Variants in MYO5B observed in about 807,000 individuals in gnomAD.
The protein encoded by MYO5B is unconventional myosin-Vb.
Under a neutral mutation model 229.3 loss-of-function variants are expected in MYO5B, and 143 were observed. That is an observed-to-expected ratio of 0.62 (90% CI 0.54 to 0.72). MYO5B has a LOEUF of 0.72. Among genes scored for constraint, MYO5B ranks in the 30% least tolerant of loss-of-function variants. The pLI, the probability that MYO5B is intolerant of heterozygous loss-of-function variation, is 0.00. For missense variants in MYO5B, 2,321 were observed against 2,331.0 expected, an observed-to-expected ratio of 1.00 and a Z score of 0.09; for synonymous variants, 918 against 885.2, an observed-to-expected ratio of 1.04 and a Z score of -0.66.
chr18:49,910,374 G>T (rs1486949384), intron 18 of MYO5B, among the ~76,000 whole-genome samples: 1 of 152,198 alleles, frequency 6.6e-6, no homozygotes, highest in African/African-American at 2.4e-5. Flanking sequence ...AAATGAGAAG[G>T]CAGCCACATG....
intron 26 of MYO5B, among the ~76,000 whole-genome samples, chr18:49,873,653 C>T (rs563320702): frequency 6.6e-6 from 1 of 152,150 alleles, no homozygotes; most frequent in Non-Finnish European, 1.5e-5. Flanking sequence ...GCCATGTGTC[C>T]GTGGATGATA....
intron 16 of MYO5B, 74 bp from the exon 17 acceptor site, chr18:49,929,672 A>C (rs1421811207): frequency 1.5e-6 from 2 of 1,309,760 alleles, no homozygotes. Context: ...AGAAACAAAA[A>C]AGAATCTTTT....
chr18:49,842,832 G>C (rs1015391348), intron 34 of MYO5B, among the ~76,000 whole-genome samples: 6 of 152,180 alleles, frequency 3.9e-5, no homozygotes, highest in African/African-American at 1.4e-4. Context: ...GCAAGCACCC[G>C]GCCCCTTGGA....
intron 1 of MYO5B, among the ~76,000 whole-genome samples, chr18:50,060,513 T>C (rs2030661515): frequency 6.6e-6 from 1 of 152,214 alleles, no homozygotes; most frequent in Non-Finnish European, 1.5e-5. Flanking sequence ...TTAACAACAC[T>C]TAATTCCTTC....
chr18:49,894,988 T>C lies in MYO5B; in HGVS notation c.2998A>G (p.Lys1000Glu), dbSNP rs745645137. ...CTGCTGTGGGCGTCCTCCAAGATCT[T>C]GCGCTCCGAGTGGGCCCTCTGCAGC... ...TELQRAHSER[K>E]ILEDAHSREK... The change falls in exon 22 of 40, where the codon AAG (lysine) becomes GAG (glutamate). Residue 1000 changes from lysine to glutamate, a missense_variant. Around this residue, in one of 2 missense-constraint regions of MYO5B, gnomAD observed 2,113 missense variants for 2,044.7 expected, o/e 1.03. Transcript: ENST00000285039. The C allele has an allele frequency of 1.3e-5, 21 of 1,613,672 alleles. No homozygotes were observed. Among genetic ancestry groups the C allele is most frequent in the Non-Finnish European group, 1.8e-5 (21 of 1,180,034 alleles).
intron 1 of MYO5B, among the ~76,000 whole-genome samples, chr18:50,105,431 C>A (rs570253137): frequency 6.6e-6 from 1 of 151,932 alleles, no homozygotes; most frequent in Non-Finnish European, 1.5e-5. Context: ...TGAAGCAATG[C>A]TTCTTCCCTA....
chr18:49,895,262 CA>C (rs781030679), intron 21 of MYO5B, 88 bp from the exon 22 acceptor site: 8 of 1,117,888 alleles, frequency 7.2e-6, no homozygotes, highest in Middle Eastern at 1.9e-4. Flanking sequence ...TGAAGGCAAT[CA>C]AAAAAGGAAC....
chr18:49,875,558 T>C (rs989630630), intron 26 of MYO5B, 129 bp downstream of exon 26: 2 of 1,282,356 alleles, frequency 1.6e-6, no homozygotes, highest in African/African-American at 2.9e-5. Context: ...ATGCACTAAG[T>C]AGGAGCCCTC....
chr18:49,887,926 T>G (rs548770826), intron 22 of MYO5B, among the ~76,000 whole-genome samples: 31 of 152,204 alleles, frequency 2.0e-4, no homozygotes, highest in African/African-American at 7.0e-4. Context: ...GACCTTGTGA[T>G]CCACCCACCT....
chr18:50,034,401 C>CAG, intron 4 of MYO5B, among the ~76,000 whole-genome samples: 1 of 152,354 alleles, frequency 6.6e-6, no homozygotes, highest in Non-Finnish European at 1.5e-5. Flanking sequence ...CAATGTACAT[C>CAG]TCAGATCAGT....
At chr18:49,990,041 C>T (rs41378153) in intron 7 of MYO5B, among the ~76,000 whole-genome samples, 3,566 of 152,288 alleles carry the variant, frequency 0.023, 62 homozygotes, top group Non-Finnish European at 0.034. Context: ...TTGCCTCAAT[C>T]CTAAACTATG....
intron 14 of MYO5B, among the ~76,000 whole-genome samples, chr18:49,949,956 A>G (rs1390482584): frequency 6.6e-6 from 1 of 152,234 alleles, no homozygotes; most frequent in Non-Finnish European, 1.5e-5. Flanking sequence ...ATGCTGCCAG[A>G]CATGCCCATC....
At chr18:49,969,754 C>G (rs1395683261) in intron 10 of MYO5B, 1 of 152,170 alleles carries the variant, frequency 6.6e-6, no homozygotes, top group East Asian at 1.9e-4. Flanking sequence ...TTAGGAAGTA[C>G]CACAAGAAAG....
intron 1 of MYO5B, among the ~76,000 whole-genome samples, chr18:50,188,786 A>AAAT (rs1491247861): frequency 1.9e-3 from 6 of 3,234 alleles, no homozygotes; most frequent in African/African-American, 3.9e-3. Flanking sequence ...ACTCTGTCAT[A>AAAT]AAAAAAAAAA....
At chr18:49,843,205 C>T (rs1032191692) in intron 34 of MYO5B, 36 bp downstream of exon 34, 1 of 1,612,268 alleles carries the variant, frequency 6.2e-7, no homozygotes, top group African/African-American at 1.3e-5. Flanking sequence ...TCACTCTACC[C>T]ACCACAAACC....
chr18:50,139,698 A>G (rs1322462607), intron 1 of MYO5B, among the ~76,000 whole-genome samples: 1 of 152,162 alleles, frequency 6.6e-6, no homozygotes, highest in Non-Finnish European at 1.5e-5. Flanking sequence ...GGGCTTAGCG[A>G]GAATCCATGC....
chr18:49,881,389 G>A (rs2024583656), intron 22 of MYO5B, among the ~76,000 whole-genome samples: 2 of 151,758 alleles, frequency 1.3e-5, no homozygotes, highest in South Asian at 2.1e-4. Context: ...ATCTAGTGCT[G>A]GACTTCTGAT....
intron 14 of MYO5B, among the ~76,000 whole-genome samples, chr18:49,941,406 T>C (rs1231723011): frequency 6.6e-6 from 1 of 152,174 alleles, no homozygotes; most frequent in East Asian, 1.9e-4. Flanking sequence ...AATGCTACCA[T>C]ATTTCTGAGC....
chr18:50,097,901 A>C (rs1263785989), intron 1 of MYO5B, among the ~76,000 whole-genome samples: 1 of 152,234 alleles, frequency 6.6e-6, no homozygotes, highest in Admixed American at 6.5e-5. Flanking sequence ...AACTGGAGAC[A>C]GCATGACTTC....
Sources: gnomAD v4.1 joint callset for allele counts (sites outside exome capture counted in the v4.1 genomes callset) on GRCh38, gnomAD v4.1.1 for gene constraint, gnomAD v4.1.1 regional missense constraint, MANE v1.5 for transcripts, NCBI Gene and HGNC (gene_info 2026-07-23, HGNC 2026-07-21) for gene names.